The following EPC2 variants were observed in gnomAD, a reference collection of about 807,000 sequenced individuals.
EPC2 encodes the protein enhancer of polycomb 2.
EPC2 carries 14 observed loss-of-function variants against 92.1 expected under a neutral mutation model. That is an observed-to-expected ratio of 0.15 (90% confidence interval 0.10 to 0.24). The LOEUF is 0.24. EPC2 is among the 10% of genes least tolerant of loss of function. EPC2 has a pLI of 1.00. For missense variants in EPC2, 755 were observed against 971.5 expected (o/e 0.78, Z 2.96); for synonymous variants, 340 against 334.7 (o/e 1.02, Z -0.17).
intron 2 of EPC2, among the ~76,000 whole-genome samples, chr2:148,737,740 C>G (rs1682792131): frequency 6.6e-6 from 1 of 151,932 alleles, no homozygotes; most frequent in African/African-American, 2.4e-5. Context: ...CTTCCCTGGG[C>G]CACATTGGAA....
At chr2:148,658,605 GTGTA>G (rs1215675666) in intron 1 of EPC2, among the ~76,000 whole-genome samples, 3,829 of 20,560 alleles carry the variant, frequency 0.19, 129 homozygotes, top group African/African-American at 0.24. Context: ...GTGTGTGTGT[GTGTA>G]TATATATATA....
At chr2:148,691,422 TG>T in intron 2 of EPC2, 1 of 1,237,954 alleles carries the variant, frequency 8.1e-7, no homozygotes, top group Non-Finnish European at 1.1e-6. Flanking sequence ...GTGTGAAGTC[TG>T]GTGATTTGTA....
chr2:148,654,236 C>T (rs994738504), intron 1 of EPC2, among the ~76,000 whole-genome samples: 1 of 152,112 alleles, frequency 6.6e-6, no homozygotes, highest in Non-Finnish European at 1.5e-5. Flanking sequence ...TGTGAGCCAC[C>T]ATGCCCGGCC....
intron 3 of EPC2, among the ~76,000 whole-genome samples, chr2:148,744,351 A>G (rs1455370157): frequency 6.6e-6 from 1 of 152,122 alleles, no homozygotes; most frequent in African/African-American, 2.4e-5. Flanking sequence ...ATTGTTCACA[A>G]GAAAAATAAT....
chr2:148,698,691 A>G (rs969378077), intron 2 of EPC2, among the ~76,000 whole-genome samples: 1 of 106,042 alleles, frequency 9.4e-6, no homozygotes, highest in Non-Finnish European at 1.8e-5. Context: ...CTAAGAAAGT[A>G]AGCTTTTTTT....
intron 1 of EPC2, among the ~76,000 whole-genome samples, chr2:148,672,033 C>T (rs982879535): frequency 6.6e-6 from 1 of 152,046 alleles, no homozygotes; most frequent in Admixed American, 6.6e-5. Flanking sequence ...TGTGTCCATC[C>T]TTCTTGAAAT....
Position 148,720,636 on chromosome 2 carries a change from A to G in EPC2, c.314-22986A>G, listed in dbSNP as rs549565234. On this transcript the variant is annotated intron_variant, in intron 2 of 13. Transcript: ENST00000258484. The stretch of plus-strand genomic sequence containing the variant: ...CAAGGCCCTGGTGGCGTGGACTCAT[A>G]AGGGGATCTCCTGATCCCCGGGTTG... Among the ~76,000 whole-genome samples the G allele has an allele frequency of 2.0e-5, 3 of 152,294 alleles. No homozygotes were observed. In the East Asian group the frequency reaches 5.8e-4, roughly 29 times the overall value.
intron 1 of EPC2, among the ~76,000 whole-genome samples, chr2:148,651,272 A>C (rs566958834): frequency 6.6e-6 from 1 of 152,308 alleles, no homozygotes; most frequent in Admixed American, 6.5e-5. Context: ...GCTTTCTGTC[A>C]ATCATTTCCT....
intron 1 of EPC2, among the ~76,000 whole-genome samples, chr2:148,661,047 A>G (rs1680922405): frequency 6.6e-6 from 1 of 151,912 alleles, no homozygotes; most frequent in Non-Finnish European, 1.5e-5. Context: ...TTTACTGGCA[A>G]TTGTTTCTTA....
chr2:148,726,158 T>C (rs982378703), intron 2 of EPC2, among the ~76,000 whole-genome samples: 1 of 152,206 alleles, frequency 6.6e-6, no homozygotes, highest in Non-Finnish European at 1.5e-5. Context: ...AATAGTCTAT[T>C]GTGTGTATGT....
chr2:148,658,893 C>T (rs906886635), intron 1 of EPC2, among the ~76,000 whole-genome samples: 1 of 151,518 alleles, frequency 6.6e-6, no homozygotes, highest in African/African-American at 2.4e-5. Flanking sequence ...TATATCTTTT[C>T]CCCCTTTGTG....
At chr2:148,705,064 G>A (rs1255220520) in intron 2 of EPC2, among the ~76,000 whole-genome samples, 1 of 151,918 alleles carries the variant, frequency 6.6e-6, no homozygotes, top group Non-Finnish European at 1.5e-5. Flanking sequence ...ACAAATCCCA[G>A]ACACTATTTC....
At chr2:148,761,748 T>G (rs1408018677) in intron 4 of EPC2, 34 bp from the exon 5 acceptor site, 1 of 1,361,120 alleles carries the variant, frequency 7.3e-7, no homozygotes, top group African/African-American at 1.5e-5. Flanking sequence ...GATAACTGTG[T>G]TGTTTATTCT....
chr2:148,725,185 T>C (rs1682468965), intron 2 of EPC2, among the ~76,000 whole-genome samples: 1 of 152,114 alleles, frequency 6.6e-6, no homozygotes. Flanking sequence ...GTTTAAACAT[T>C]TTGTTTTACT....
chr2:148,765,767 G>T (rs907109841), intron 7 of EPC2, among the ~76,000 whole-genome samples: 7 of 152,140 alleles, frequency 4.6e-5, no homozygotes, highest in African/African-American at 1.4e-4. Context: ...GCCAGGCGTG[G>T]TGGCTCACTC....
rs141706811 is a variant in EPC2 at position 148,782,212 on chromosome 2, C to T, written c.1857+432C>T. On this transcript the variant is annotated intron_variant, in intron 11 of 13. Coordinates refer to ENST00000258484, the MANE Select transcript of EPC2 (RefSeq NM_015630.4). Reference sequence around the variant, plus strand: ...TTGTGCAATACATCAACAGCATAACCCCTTGCCATTGTGAATCACATTTCC... The same window carrying T: ...TTGTGCAATACATCAACAGCATAACTCCTTGCCATTGTGAATCACATTTCC... Among the ~76,000 whole-genome samples the T allele has an allele frequency of 1.8e-4, 28 of 152,214 alleles. 1 individual carries two copies. The highest frequency in any genetic ancestry group is 6.5e-4 in the African/African-American group (27 of 41,508).
intron 3 of EPC2, among the ~76,000 whole-genome samples, chr2:148,745,721 T>A (rs1340290764): frequency 6.6e-6 from 1 of 152,130 alleles, no homozygotes. Flanking sequence ...CTATCTTCAT[T>A]CCATTCCCTG....
At chr2:148,751,179 T>A (rs1195667211) in intron 3 of EPC2, among the ~76,000 whole-genome samples, 1 of 152,166 alleles carries the variant, frequency 6.6e-6, no homozygotes, top group Non-Finnish European at 1.5e-5. Flanking sequence ...GTTTTGTAAA[T>A]TAAATTACTG....
intron 1 of EPC2, among the ~76,000 whole-genome samples, chr2:148,671,324 A>G (rs1411361795): frequency 2.3e-5 from 3 of 130,656 alleles, no homozygotes; most frequent in Non-Finnish European, 3.2e-5. Context: ...TTAAAAAGTC[A>G]TCTTTTTGGC....
Sources: allele counts gnomAD v4.1 joint callset (sites outside exome capture counted in the v4.1 genomes callset), GRCh38; gene constraint gnomAD v4.1.1; transcripts MANE v1.5; gene names NCBI Gene and HGNC (gene_info 2026-07-23, HGNC 2026-07-21).